Variants in BCKDHB observed in about 807,000 individuals in gnomAD.
BCKDHB encodes 2-oxoisovalerate dehydrogenase subunit beta, mitochondrial.
A neutral mutation model predicts 48.5 loss-of-function variants in BCKDHB; 41 were observed. That is an observed-to-expected ratio of 0.85 (90% CI 0.66 to 1.10). BCKDHB has a LOEUF of 1.10. Among genes scored for constraint, BCKDHB ranks in the 50% least tolerant of loss-of-function variants. The pLI is 0.00. For synonymous variants in BCKDHB, 201 were observed against 174.8 expected (o/e 1.15, Z -1.18); for missense variants, 496 against 494.2 (o/e 1.00, Z -0.03).
chr6:80,227,757 C>T (rs936920253), intron 8 of BCKDHB, among the ~76,000 whole-genome samples: 9 of 152,114 alleles, frequency 5.9e-5, no homozygotes, highest in Non-Finnish European at 1.2e-4. Flanking sequence ...CTTGAGGTAA[C>T]AGTGGGGCTA....
chr6:80,312,177 T>A (rs770312787), intron 9 of BCKDHB, among the ~76,000 whole-genome samples: 2 of 152,206 alleles, frequency 1.3e-5, no homozygotes, highest in Non-Finnish European at 2.9e-5. Context: ...TTTTATTCTT[T>A]TTATGGCAAT....
chr6:80,327,008 G>A (rs189808234), intron 9 of BCKDHB, among the ~76,000 whole-genome samples: 28 of 152,042 alleles, frequency 1.8e-4, no homozygotes, highest in Admixed American at 5.9e-4. Context: ...CTTTGTTATC[G>A]TAAGATTCAG....
chr6:80,237,793 C>T (rs920386034), intron 8 of BCKDHB, among the ~76,000 whole-genome samples: 2 of 152,102 alleles, frequency 1.3e-5, no homozygotes, highest in Non-Finnish European at 2.9e-5. Context: ...AGGTAATTAA[C>T]ATGACAAGGT....
the BCKDHB span, among the ~76,000 whole-genome samples, chr6:80,440,289 CTAAG>C: frequency 6.6e-6 from 1 of 152,256 alleles, no homozygotes; most frequent in East Asian, 1.9e-4. Context: ...AATACAATGA[CTAAG>C]TACTCAACAA....
chr6:80,211,974 AACT>A (rs1774956288), intron 8 of BCKDHB, among the ~76,000 whole-genome samples: 3 of 152,274 alleles, frequency 2.0e-5, no homozygotes, highest in African/African-American at 7.2e-5. Flanking sequence ...CAAAAAGCAG[AACT>A]ACTAATAAGG....
chr6:80,391,502 C>T, the BCKDHB span, among the ~76,000 whole-genome samples: 10 of 152,028 alleles, frequency 6.6e-5, no homozygotes. Context: ...CAAGGAGCAC[C>T]GAGGATTGCC....
At chr6:80,235,652 C>T (rs1776118637) in intron 8 of BCKDHB, among the ~76,000 whole-genome samples, 1 of 152,150 alleles carries the variant, frequency 6.6e-6, no homozygotes, top group African/African-American at 2.4e-5. Context: ...GTCCAAAGGC[C>T]AGTGGCACTT....
chr6:80,340,023 A>G (rs1001363376), intron 9 of BCKDHB, among the ~76,000 whole-genome samples: 1 of 152,162 alleles, frequency 6.6e-6, no homozygotes, highest in Non-Finnish European at 1.5e-5. Context: ...TATAATACTG[A>G]CTTCATGGAT....
At chr6:80,457,907 G>A in the BCKDHB span, among the ~76,000 whole-genome samples, 1 of 152,132 alleles carries the variant, frequency 6.6e-6, no homozygotes, top group Admixed American at 6.5e-5. Flanking sequence ...GGAAATATGG[G>A]CAATTTTTCT....
At chr6:80,255,331 T>A (rs1242577932) in intron 8 of BCKDHB, among the ~76,000 whole-genome samples, 1 of 152,218 alleles carries the variant, frequency 6.6e-6, no homozygotes, top group Non-Finnish European at 1.5e-5. Flanking sequence ...ATGTTTCTAC[T>A]GTTTTTCAAA....
the BCKDHB span, among the ~76,000 whole-genome samples, chr6:80,420,109 G>C: frequency 2.6e-5 from 4 of 152,024 alleles, no homozygotes; most frequent in Non-Finnish European, 5.9e-5. Flanking sequence ...CTTCTTTAAG[G>C]TGACTACTTT....
intron 9 of BCKDHB, among the ~76,000 whole-genome samples, chr6:80,340,868 T>A (rs1390817517): frequency 6.6e-6 from 1 of 152,190 alleles, no homozygotes; most frequent in African/African-American, 2.4e-5. Flanking sequence ...AACAAGGTGT[T>A]CTGTTTTGGT....
intron 8 of BCKDHB, among the ~76,000 whole-genome samples, chr6:80,240,663 C>A (rs1047450710): frequency 5.3e-5 from 8 of 152,172 alleles, no homozygotes; most frequent in Non-Finnish European, 7.3e-5. Flanking sequence ...TTATTTCTTT[C>A]TCTTGCCTGA....
At chr6:80,286,692 GT>G (rs1214818887) in intron 9 of BCKDHB, among the ~76,000 whole-genome samples, 1 of 152,100 alleles carries the variant, frequency 6.6e-6, no homozygotes, top group Non-Finnish European at 1.5e-5. Context: ...TTCATTGAAA[GT>G]TTTTTGCCTT....
intron 3 of BCKDHB, among the ~76,000 whole-genome samples, chr6:80,143,143 A>G (rs1771305935): frequency 1.3e-5 from 2 of 152,234 alleles, no homozygotes; most frequent in Non-Finnish European, 2.9e-5. Context: ...AACAGATCAC[A>G]AAGTCCGTTA....
intron 5 of BCKDHB, among the ~76,000 whole-genome samples, chr6:80,170,149 A>G (rs867662012): frequency 4.6e-5 from 7 of 152,142 alleles, no homozygotes; most frequent in African/African-American, 1.7e-4. Context: ...AGATAAAGAC[A>G]TTGTGTGATA....
Position 80,343,755 on chromosome 6 carries a change from C to T in BCKDHB, c.1130C>T (p.Pro377Leu), listed in dbSNP as rs1554216354. ...FPHIFEPFYI[P>L]DKWKCYDALR... ...CACATTTTTGAACCATTCTACATCC[C>T]AGACAAATGGAAGTGTTATGATGCC... The change falls in exon 10 of 10, where the codon CCA becomes CTA. Residue 377 changes from proline (P) to leucine (L), a missense_variant. By Grantham distance (98) the Pro-to-Leu change is moderately conservative. Transcript: ENST00000320393. 1 of 1,613,852 alleles carries T rather than the reference C, an allele frequency of 6.2e-7. No homozygotes were observed. Among genetic ancestry groups the T allele is most frequent in the Non-Finnish European group, 8.5e-7 (1 of 1,179,926 alleles).
the BCKDHB span, among the ~76,000 whole-genome samples, chr6:80,367,710 T>G: frequency 1.3e-5 from 2 of 152,236 alleles, no homozygotes; most frequent in Admixed American, 1.3e-4. Context: ...CTGCACATGC[T>G]TACTCTAAGG....
the BCKDHB span, among the ~76,000 whole-genome samples, chr6:80,400,207 C>A: frequency 6.6e-6 from 1 of 151,936 alleles, no homozygotes; most frequent in South Asian, 2.1e-4. Context: ...AAAGCAATTG[C>A]GACAAAACCC....
Sources: gnomAD v4.1 joint callset for allele counts (sites outside exome capture counted in the v4.1 genomes callset) on GRCh38, gnomAD v4.1.1 for gene constraint, MANE v1.5 for transcripts, NCBI Gene and HGNC (gene_info 2026-07-23, HGNC 2026-07-21) for gene names.